CSNK1G2: variants seen among roughly 807,000 people sequenced by gnomAD.
The protein encoded by CSNK1G2 is casein kinase I isoform gamma-2.
Under a neutral mutation model 48.0 loss-of-function variants are expected in CSNK1G2, and 11 were observed. The ratio of observed to expected loss-of-function variants is 0.23; its 90% confidence interval spans 0.14 to 0.38. The LOEUF is 0.38. Ranked by LOEUF, CSNK1G2 falls within the 10% of genes least tolerant of loss-of-function variation. The pLI, the probability that CSNK1G2 is intolerant of heterozygous loss-of-function variation, is 1.00. For missense variants in CSNK1G2, 446 were observed against 595.5 expected, an observed-to-expected ratio of 0.75 and a Z score of 2.61; for synonymous variants, 337 against 254.1, an observed-to-expected ratio of 1.33 and a Z score of -3.10.
chr19:1,957,332 T>A lies in CSNK1G2; in HGVS notation c.-265-12176T>A, dbSNP rs1267713666. 6.6e-6 allele frequency among the ~76,000 whole-genome samples: 1 copy of A among 151,770 alleles called. No homozygotes were observed. The highest frequency in any genetic ancestry group is 1.5e-5 in the Non-Finnish European group (1 of 67,956). On this transcript the variant is annotated intron_variant, in intron 1 of 11. Transcript: ENST00000255641. The surrounding 1 kb of genome is among the most constrained non-coding windows in gnomAD (Gnocchi z 5.4). ...TGAGAAGCAGTGTGTGCCCGGGAGGTCACGTGGGCACCACAGACGAAAGTG... is the reference window on the plus strand; with the variant it reads ...TGAGAAGCAGTGTGTGCCCGGGAGGACACGTGGGCACCACAGACGAAAGTG...
chr19:1,980,275 G>T lies in CSNK1G2; in HGVS notation c.*72G>T. ...GGGCGCGACCTTGTGCGAGGCCCTC[G>T]GGGCCCACCCACAGCGGCCCAGGGC... On this transcript the variant is annotated 3_prime_UTR_variant, in exon 12 of 12. Coordinates refer to ENST00000255641, the MANE Select transcript of CSNK1G2 (RefSeq NM_001319.7). The T allele has an allele frequency of 6.3e-7, 1 of 1,574,808 alleles. No individual in the cohort carries two copies. Among genetic ancestry groups the T allele is most frequent in the South Asian group, 1.1e-5 (1 of 89,796 alleles).
chr19:1,961,577 C>T (rs1480572636), intron 1 of CSNK1G2, among the ~76,000 whole-genome samples: 1 of 152,104 alleles, frequency 6.6e-6, no homozygotes, highest in African/African-American at 2.4e-5. Context: ...AGTGTTGAGG[C>T]GTGAGGTACT....
chr19:1,977,059 C>T (rs1019126552), intron 2 of CSNK1G2, among the ~76,000 whole-genome samples: 6 of 152,200 alleles, frequency 3.9e-5, no homozygotes, highest in African/African-American at 9.6e-5. Context: ...CATTCTGCAG[C>T]GTATGCTACT....
In CSNK1G2 at chr19:1,969,664, G is replaced by T. The variant is rs1474947686; in HGVS notation, c.-109G>T. 1.9e-5 allele frequency: 19 copies of T among 1,018,838 alleles called. No individual in the cohort carries two copies. The highest frequency in any genetic ancestry group is 2.3e-5 in the Non-Finnish European group (18 of 782,044). 63.1% of individuals were successfully genotyped at this position (1,018,838 alleles called of 1,614,324 possible). ...AGCCACGGGCCCACGCCCGCCCACC[G>T]GCCGCAGTGATGTTCTAGCCACAGA... On this transcript the variant is annotated 5_prime_UTR_variant, in exon 2 of 12. Coordinates refer to ENST00000255641, the MANE Select transcript of CSNK1G2 (RefSeq NM_001319.7).
intron 1 of CSNK1G2, among the ~76,000 whole-genome samples, chr19:1,946,974 G>C (rs2014587858): frequency 6.6e-6 from 1 of 151,858 alleles, no homozygotes; most frequent in Admixed American, 6.6e-5. Context: ...AGCTGGTCTT[G>C]AACTCCTGAC....
chr19:1,948,465 G>A (rs1599282603), intron 1 of CSNK1G2, among the ~76,000 whole-genome samples: 1 of 143,648 alleles, frequency 7.0e-6, no homozygotes, highest in Non-Finnish European at 1.5e-5. Flanking sequence ...GAAGCTTACA[G>A]TGAGCTGAGA....
chr19:1,958,497 C>T (rs111951335), intron 1 of CSNK1G2, among the ~76,000 whole-genome samples: 17,181 of 107,856 alleles, frequency 0.16, 1,445 homozygotes, highest in Middle Eastern at 0.22. Flanking sequence ...CGTCCAGGGC[C>T]GCAGCAGCTC....
chr19:1,951,848 T>TACA (rs2014775400), intron 1 of CSNK1G2, among the ~76,000 whole-genome samples: 2 of 151,716 alleles, frequency 1.3e-5, no homozygotes, highest in Admixed American at 6.6e-5. Flanking sequence ...AGCTGGCTAA[T>TACA]TTTTTGTATT....
At chr19:1,976,153 T>TG in intron 2 of CSNK1G2, 1 of 1,234,200 alleles carries the variant, frequency 8.1e-7, no homozygotes, top group Non-Finnish European at 1.1e-6. Context: ...GTTGGGTGTT[T>TG]GGGGCACGGC....
At chr19:1,976,008 C>A in intron 2 of CSNK1G2, 1 of 1,219,888 alleles carries the variant, frequency 8.2e-7, no homozygotes, top group African/African-American at 1.6e-5. Flanking sequence ...GCACTCCAGC[C>A]TGGGCAACAG....
chr19:1,979,299 C>A lies in CSNK1G2; in HGVS notation c.769-20C>A. On this transcript the variant is annotated intron_variant, in intron 7 of 11. Coordinates refer to ENST00000255641, the MANE Select transcript of CSNK1G2 (RefSeq NM_001319.7). The stretch of plus-strand genomic sequence containing the variant: ...GCGGGGACGCAGGGCGGGAGCAAGG[C>A]TGACCACAGACCCCCGCAGGCCGAC... 1 of 1,588,866 alleles carries A rather than the reference C, an allele frequency of 6.3e-7. No individual in the cohort carries two copies. The highest frequency in any genetic ancestry group is 8.6e-7 in the Non-Finnish European group (1 of 1,169,230).
Position 1,969,659 on chromosome 19 carries a change from C to T in CSNK1G2, c.-114C>T. 1.0e-6 allele frequency: 1 copy of T among 982,242 alleles called. No homozygotes were observed. Among genetic ancestry groups the T allele is most frequent in the Non-Finnish European group, 1.3e-6 (1 of 748,594 alleles). 60.8% of individuals were successfully genotyped at this position (982,242 alleles called of 1,614,324 possible). A position where few individuals can be genotyped will look rare whatever the true frequency, so the allele number is the denominator to read the frequency against. ...CTGGGAGCCACGGGCCCACGCCCGCCCACCGGCCGCAGTGATGTTCTAGCC... is the reference window on the plus strand; with the variant it reads ...CTGGGAGCCACGGGCCCACGCCCGCTCACCGGCCGCAGTGATGTTCTAGCC... On this transcript the variant is annotated 5_prime_UTR_variant, in exon 2 of 12. Transcript: ENST00000255641.
rs750892075 is a variant in CSNK1G2 at position 1,969,880 on chromosome 19, C to T, written c.108C>T (p.Ser36=). The change falls in exon 2 of 12, where the codon AGC becomes AGT. Residue 36 remains serine (S), a synonymous_variant. Coordinates refer to ENST00000255641, the MANE Select transcript of CSNK1G2 (RefSeq NM_001319.7). ...ACGGCATCCGGAGCTCGGGGACCAG[C>T]TCGGGGGTCCTGATGGTGGGCCCCA... ...SSHGIRSSGT[S]SGVLMVGPNF... 12 of 1,312,518 alleles carry T rather than the reference C, an allele frequency of 9.1e-6. No homozygotes were observed. In the South Asian group the frequency reaches 2.8e-4, roughly 31 times the overall value. The allele number at this position is 1,312,518 out of a possible 1,614,324, so 81.3% of individuals were successfully genotyped here.
In CSNK1G2 at chr19:1,980,611, G is replaced by T; in HGVS notation, c.*408G>T. Reference sequence around the variant, plus strand: ...CCGTTAGCGTCATAAAGTCCAGCTTGTCTCCCTCGATCCAAAGGCCGTTTT... The same window carrying T: ...CCGTTAGCGTCATAAAGTCCAGCTTTTCTCCCTCGATCCAAAGGCCGTTTT... On this transcript the variant is annotated 3_prime_UTR_variant, in exon 12 of 12. Coordinates refer to ENST00000255641, the MANE Select transcript of CSNK1G2 (RefSeq NM_001319.7). 1 of 246,474 alleles carries T rather than the reference G, an allele frequency of 4.1e-6. No individual in the cohort carries two copies. Among genetic ancestry groups the T allele is most frequent in the South Asian group, 4.1e-5 (1 of 24,558 alleles). The allele number at this position is 246,474 out of a possible 1,614,324, so 15.3% of individuals were successfully genotyped here.
intron 2 of CSNK1G2, among the ~76,000 whole-genome samples, chr19:1,972,883 C>G (rs560457787): frequency 5.7e-4 from 87 of 151,518 alleles, no homozygotes; most frequent in African/African-American, 2.0e-3. Context: ...CTCGGCCTCC[C>G]AAAGTGCTGG....
chr19:1,946,279 T>TTTATTTATTTATTTATTTA (rs1179717764), intron 1 of CSNK1G2, among the ~76,000 whole-genome samples: 1 of 131,462 alleles, frequency 7.6e-6, no homozygotes, highest in East Asian at 2.2e-4. Context: ...TATTTATTTA[T>TTTATTTATTTATTTATTTA]TTATTTATTT....
In CSNK1G2 at chr19:1,969,717, C is replaced by G. The variant is rs2015499293; in HGVS notation, c.-56C>G. 1 of 1,240,484 alleles carries G rather than the reference C, an allele frequency of 8.1e-7. No individual in the cohort carries two copies. Among genetic ancestry groups the G allele is most frequent in the Admixed American group, 4.2e-5 (1 of 24,096 alleles). 76.8% of individuals were successfully genotyped at this position (1,240,484 alleles called of 1,614,324 possible). A position where few individuals can be genotyped will look rare whatever the true frequency, so the allele number is the denominator to read the frequency against. The stretch of plus-strand genomic sequence containing the variant: ...AGCCAAGACCTCAGGTTTCCAGAGA[C>G]TTGGGATTTGCACGGCAGCAGAGTC... On this transcript the variant is annotated 5_prime_UTR_variant, in exon 2 of 12. Transcript: ENST00000255641.
intron 1 of CSNK1G2, 141 bp downstream of exon 1, chr19:1,941,559 C>T (rs1436850268): frequency 1.4e-5 from 2 of 145,056 alleles, no homozygotes; most frequent in Non-Finnish European, 3.0e-5. Context: ...CTCCGGACCC[C>T]AGCGCCCCCC....
intron 1 of CSNK1G2, among the ~76,000 whole-genome samples, chr19:1,955,067 C>T (rs1342548956): frequency 1.3e-5 from 2 of 152,170 alleles, no homozygotes; most frequent in South Asian, 4.1e-4. Context: ...TTGGGCACCC[C>T]CTGGGGTTCG....
Sources: allele counts gnomAD v4.1 joint callset (sites outside exome capture counted in the v4.1 genomes callset), GRCh38; gene constraint gnomAD v4.1.1; non-coding constraint Gnocchi (gnomAD v3.1); transcripts MANE v1.5; gene names NCBI Gene and HGNC (gene_info 2026-07-23, HGNC 2026-07-21).